Variants in NAPG observed in about 807,000 individuals in gnomAD.
The protein encoded by NAPG is NSF attachment protein gamma.
NAPG carries 25 observed loss-of-function variants against 48.4 expected under a neutral mutation model. That is an observed-to-expected ratio of 0.52 (90% CI 0.38 to 0.72). The LOEUF (loss-of-function observed/expected upper bound fraction) is 0.72, where lower values mean the gene tolerates loss of function less well. Ranked by LOEUF, NAPG falls within the 30% of genes least tolerant of loss-of-function variation. NAPG has a pLI of 0.00. For synonymous variants in NAPG, 139 were observed against 127.2 expected (o/e 1.09, Z -0.62); for missense variants, 359 against 372.5 (o/e 0.96, Z 0.30).
At chr18:10,538,241 A>G (rs1166870708) in intron 5 of NAPG, among the ~76,000 whole-genome samples, 2 of 152,194 alleles carry the variant, frequency 1.3e-5, no homozygotes, top group Non-Finnish European at 2.9e-5. Context: ...AATAACTAAA[A>G]TGAATGAGCA....
chr18:10,546,756 A>G lies in NAPG; in HGVS notation c.585+352A>G, dbSNP rs963003659. Among the ~76,000 whole-genome samples, 1 of 152,186 alleles carries G rather than the reference A, an allele frequency of 6.6e-6. No homozygotes were observed. Among genetic ancestry groups the G allele is most frequent in the African/African-American group, 2.4e-5 (1 of 41,446 alleles). ...GCATTCATTGCCCTGCCCTGAGAGA[A>G]GCCCACAGTTGTGGAGCTGGGCAGC... On this transcript the variant is annotated intron_variant, in intron 9 of 11. Coordinates refer to ENST00000322897, the MANE Select transcript of NAPG (RefSeq NM_003826.3). The surrounding 1 kb of genome is among the most constrained non-coding windows in gnomAD (Gnocchi z 4.0).
chr18:10,527,254 T>A (rs900831886), intron 1 of NAPG, among the ~76,000 whole-genome samples: 2 of 148,978 alleles, frequency 1.3e-5, no homozygotes, highest in African/African-American at 2.5e-5. Flanking sequence ...TTCACATACA[T>A]AATTTCATAA....
chr18:10,527,284 C>T (rs1044266118), intron 1 of NAPG, among the ~76,000 whole-genome samples: 1 of 151,724 alleles, frequency 6.6e-6, no homozygotes, highest in Non-Finnish European at 1.5e-5. Context: ...TTCACAATAA[C>T]TTTCCAAATA....
At position 10,534,399 on chromosome 18, in the gene NAPG, A is replaced by G; in HGVS notation, c.228-67A>G. The G allele has an allele frequency of 2.1e-6, 3 of 1,418,846 alleles. No homozygotes were observed. Among genetic ancestry groups the G allele is most frequent in the Non-Finnish European group, 3.0e-6 (3 of 1,005,302 alleles). 87.9% of individuals were successfully genotyped at this position (1,418,846 alleles called of 1,614,324 possible). On this transcript the variant is annotated intron_variant, in intron 4 of 11. Coordinates refer to ENST00000322897, the MANE Select transcript of NAPG (RefSeq NM_003826.3). This position sits in a 1 kb window ranked among gnomAD's most constrained non-coding sequence, Gnocchi z 5.0. ...TCACTTTCCTTACCAGTAGTTCCTC[A>G]CCAGAAAGTTTCTTCTACCCCTTAT...
chr18:10,534,852 T>A lies in NAPG; in HGVS notation c.258+356T>A, dbSNP rs1255527975. On this transcript the variant is annotated intron_variant, in intron 5 of 11. Transcript: ENST00000322897. The surrounding 1 kb of genome is among the most constrained non-coding windows in gnomAD (Gnocchi z 5.0). ...TAAAATTTTATAAATATTAAAAAAT[T>A]ATCATACATGGGTTATAGAAGAGAT... is the stretch of plus-strand genomic sequence containing the variant. Among the ~76,000 whole-genome samples, 24 of 152,220 alleles carry A rather than the reference T, an allele frequency of 1.6e-4. No homozygotes were observed. The highest frequency in any genetic ancestry group is 1.6e-3 in the Admixed American group (24 of 15,282).
chr18:10,538,884 C>T (rs2032089368), intron 5 of NAPG, among the ~76,000 whole-genome samples: 1 of 151,662 alleles, frequency 6.6e-6, no homozygotes, highest in Non-Finnish European at 1.5e-5. Context: ...AGAAGACATA[C>T]AGCCAAGAAA....
rs2032228644 is a variant in NAPG at position 10,544,856 on chromosome 18, A to G, written c.507-1470A>G. On this transcript the variant is annotated intron_variant, in intron 8 of 11. Coordinates refer to ENST00000322897, the MANE Select transcript of NAPG (RefSeq NM_003826.3). This position sits in a 1 kb window ranked among gnomAD's most constrained non-coding sequence, Gnocchi z 5.1. ...GTTGACCTGTGGAAATTCAGAATGC[A>G]TTTCTCCTATGAGTGTCATTTTATA... Among the ~76,000 whole-genome samples, 1 of 152,194 alleles carries G rather than the reference A, an allele frequency of 6.6e-6. No individual in the cohort carries two copies. The highest frequency in any genetic ancestry group is 2.4e-5 in the African/African-American group (1 of 41,448).
In NAPG at chr18:10,550,340, T is replaced by A. The variant is rs2032362470; in HGVS notation, c.*120T>A. ...TTACAGTCATGATTTTGGATCCTAA[T>A]AAAGACTAGTTTTTAGTTACCATCT... On this transcript the variant is annotated 3_prime_UTR_variant, in exon 12 of 12. Transcript: ENST00000322897. 2 of 1,102,904 alleles carry A rather than the reference T, an allele frequency of 1.8e-6. No individual in the cohort carries two copies. The highest frequency in any genetic ancestry group is 1.7e-5 in the South Asian group (1 of 57,300). The allele number at this position is 1,102,904 out of a possible 1,614,324, so 68.3% of individuals were successfully genotyped here.
chr18:10,529,768 G>C (rs1479423287), intron 1 of NAPG, among the ~76,000 whole-genome samples: 1 of 152,080 alleles, frequency 6.6e-6, no homozygotes, highest in Admixed American at 6.5e-5. Flanking sequence ...AAAAAAAGAA[G>C]CTATGACTTT....
intron 4 of NAPG, among the ~76,000 whole-genome samples, 195 bp downstream of exon 4, chr18:10,533,748 A>G (rs376138639): frequency 1.3e-5 from 2 of 152,226 alleles, no homozygotes; most frequent in African/African-American, 2.4e-5. Flanking sequence ...AAGAGTTTAA[A>G]TTAAATTTGC....
intron 1 of NAPG, chr18:10,526,375 C>T (rs930684768): frequency 1.8e-6 from 1 of 554,234 alleles, no homozygotes; most frequent in Non-Finnish European, 3.2e-6. Context: ...TGGGTCCACC[C>T]CGCCGGAAGT....
chr18:10,534,451 A>C lies in NAPG; in HGVS notation c.228-15A>C. ...TCGTTAAGATCTCATCAGAGAAATT[A>C]TATTCTCTTTGCAGAGCTTATGAGC... On this transcript the variant is annotated splice_polypyrimidine_tract_variant and intron_variant, in intron 4 of 11. Transcript: ENST00000322897. This position sits in a 1 kb window ranked among gnomAD's most constrained non-coding sequence, Gnocchi z 5.0. The C allele has an allele frequency of 6.2e-7, 1 of 1,612,702 alleles. No individual in the cohort carries two copies. Among genetic ancestry groups the C allele is most frequent in the African/African-American group, 1.3e-5 (1 of 75,020 alleles).
intron 11 of NAPG, among the ~76,000 whole-genome samples, 164 bp from the exon 12 acceptor site, chr18:10,549,913 A>G (rs995623557): frequency 6.6e-6 from 1 of 152,202 alleles, no homozygotes; most frequent in Non-Finnish European, 1.5e-5. Context: ...CACCATGGTC[A>G]TGAGGCATCT....
At chr18:10,530,691 C>A in intron 1 of NAPG, 79 bp from the exon 2 acceptor site, 22 of 758,290 alleles carry the variant, frequency 2.9e-5, no homozygotes, top group Admixed American at 4.1e-5. Flanking sequence ...TTTTAAAGAC[C>A]TAGAAGGTCA....
chr18:10,545,307 G>A (rs866561697), intron 8 of NAPG, among the ~76,000 whole-genome samples: 7 of 152,040 alleles, frequency 4.6e-5, no homozygotes, highest in Non-Finnish European at 5.9e-5. Context: ...GTGAGACTCC[G>A]TCTCAAAAAA....
intron 1 of NAPG, 110 bp from the exon 2 acceptor site, chr18:10,530,660 G>C (rs983757584): frequency 1.5e-6 from 1 of 661,118 alleles, no homozygotes; most frequent in Admixed American, 4.3e-5. Context: ...GTGCCTGATG[G>C]TTTCTCCTTT....
At chr18:10,531,010 G>T (rs1276117145) in intron 2 of NAPG, among the ~76,000 whole-genome samples, 173 bp downstream of exon 2, 1 of 152,002 alleles carries the variant, frequency 6.6e-6, no homozygotes, top group Non-Finnish European at 1.5e-5. Context: ...TTTCAGATGT[G>T]TTGAGAGCTG....
chr18:10,548,829 A>G lies in NAPG; in HGVS notation c.666-138A>G, dbSNP rs181557563. 1.1e-3 allele frequency: 1,220 copies of G among 1,069,094 alleles called. 10 individuals carry two copies. Among genetic ancestry groups the G allele is most frequent in the Non-Finnish European group, 2.0e-4 (149 of 756,596 alleles). The allele number at this position is 1,069,094 out of a possible 1,614,324, so 66.2% of individuals were successfully genotyped here. ...GCGGGATCCCCGGTCTCTGCCCTCT[A>G]GATGCCACTAGCATTCCCACACTTT... is the stretch of plus-strand genomic sequence containing the variant. On this transcript the variant is annotated intron_variant, in intron 10 of 11. Coordinates refer to ENST00000322897, the MANE Select transcript of NAPG (RefSeq NM_003826.3). This position sits in a 1 kb window ranked among gnomAD's most constrained non-coding sequence, Gnocchi z 4.4.
At chr18:10,532,964 G>A (rs2031960025) in intron 3 of NAPG, 169 bp downstream of exon 3, 2 of 603,856 alleles carry the variant, frequency 3.3e-6, no homozygotes, top group Non-Finnish European at 5.7e-6. Flanking sequence ...TTATAATGAA[G>A]TTTGATTATA....
Sources: gnomAD v4.1 joint callset for allele counts (sites outside exome capture counted in the v4.1 genomes callset) on GRCh38, gnomAD v4.1.1 for gene constraint, Gnocchi (gnomAD v3.1) non-coding constraint, MANE v1.5 for transcripts, NCBI Gene and HGNC (gene_info 2026-07-23, HGNC 2026-07-21) for gene names.